Variants in RASGRF2 observed in about 807,000 individuals in gnomAD.
RASGRF2 encodes Ras protein specific guanine nucleotide releasing factor 2.
RASGRF2 carries 76 observed loss-of-function variants against 151.0 expected under a neutral mutation model. The observed-to-expected ratio is 0.50, with a 90% CI of 0.42 to 0.61. The LOEUF is 0.61. RASGRF2 is among the 20% of genes least tolerant of loss of function. The pLI is 0.00. For synonymous variants in RASGRF2, 504 were observed against 566.5 expected (o/e 0.89, Z 1.57); for missense variants, 1,148 against 1,564.6 (o/e 0.73, Z 4.49).
At chr5:81,078,946 C>T (rs1752012487) in intron 5 of RASGRF2, among the ~76,000 whole-genome samples, 1 of 152,192 alleles carries the variant, frequency 6.6e-6, no homozygotes, top group South Asian at 2.1e-4. Context: ...ACTGCTGCTG[C>T]CACAGATGCC....
intron 1 of RASGRF2, among the ~76,000 whole-genome samples, chr5:80,980,911 A>G (rs191144518): frequency 6.6e-6 from 1 of 152,114 alleles, no homozygotes; most frequent in Non-Finnish European, 1.5e-5. Flanking sequence ...GGATTCTTCC[A>G]GAGCCCACTT....
At chr5:81,002,549 A>G (rs532117663) in intron 1 of RASGRF2, among the ~76,000 whole-genome samples, 4 of 152,322 alleles carry the variant, frequency 2.6e-5, no homozygotes, top group African/African-American at 9.6e-5. Context: ...AAACAAGGGA[A>G]GGGCCTTTAA....
intron 17 of RASGRF2, among the ~76,000 whole-genome samples, chr5:81,130,208 A>C (rs1753580220): frequency 6.6e-6 from 1 of 152,172 alleles, no homozygotes; most frequent in Non-Finnish European, 1.5e-5. Flanking sequence ...AGACTCAGTC[A>C]ATGTTGCTAG....
At chr5:81,044,196 T>C (rs574031099) in intron 2 of RASGRF2, among the ~76,000 whole-genome samples, 1 of 152,226 alleles carries the variant, frequency 6.6e-6, no homozygotes, top group East Asian at 1.9e-4. Flanking sequence ...AGTGGGCAGA[T>C]CACCTGAGGC....
At chr5:81,007,863 T>A (rs531232310) in intron 1 of RASGRF2, among the ~76,000 whole-genome samples, 6 of 152,048 alleles carry the variant, frequency 3.9e-5, no homozygotes, top group Admixed American at 6.5e-5. Context: ...AGCTTCTCAT[T>A]TGGGAGGGGG....
chr5:81,214,550 C>CT (rs1755693835), intron 23 of RASGRF2, among the ~76,000 whole-genome samples: 1 of 152,198 alleles, frequency 6.6e-6, no homozygotes, highest in South Asian at 2.1e-4. Context: ...ACTTTTGAAA[C>CT]TTTTTTGAGC....
intron 19 of RASGRF2, 44 bp downstream of exon 19, chr5:81,201,486 C>A: frequency 6.4e-7 from 1 of 1,572,878 alleles, no homozygotes; most frequent in Non-Finnish European, 8.7e-7. Context: ...TTGGTTGATT[C>A]CTGCTATGTT....
intron 1 of RASGRF2, among the ~76,000 whole-genome samples, chr5:80,980,316 GA>G (rs1748256983): frequency 6.6e-6 from 1 of 152,112 alleles, no homozygotes; most frequent in East Asian, 1.9e-4. Context: ...TTTTGGAAAT[GA>G]GGGTGATTTT....
intron 2 of RASGRF2, among the ~76,000 whole-genome samples, chr5:81,056,304 TC>T (rs1375008358): frequency 6.6e-6 from 1 of 152,248 alleles, no homozygotes; most frequent in Non-Finnish European, 1.5e-5. Context: ...TTTAAATGTG[TC>T]CGAGAGATTC....
At chr5:81,108,396 G>A (rs1752901727) in intron 12 of RASGRF2, among the ~76,000 whole-genome samples, 1 of 152,230 alleles carries the variant, frequency 6.6e-6, no homozygotes, top group African/African-American at 2.4e-5. Context: ...AAGCATGCCA[G>A]AGACAGGAGA....
At chr5:81,034,471 A>G (rs1750392208) in intron 1 of RASGRF2, among the ~76,000 whole-genome samples, 1 of 152,024 alleles carries the variant, frequency 6.6e-6, no homozygotes, top group Non-Finnish European at 1.5e-5. Context: ...AGGACTATAA[A>G]TCATGCTGCT....
chr5:81,047,670 G>T (rs190759810), intron 2 of RASGRF2, among the ~76,000 whole-genome samples: 1 of 152,328 alleles, frequency 6.6e-6, no homozygotes, highest in East Asian at 1.9e-4. Context: ...TTTGGCAAGG[G>T]CCTGACCTAA....
At chr5:81,140,090 A>G (rs183660957) in intron 17 of RASGRF2, among the ~76,000 whole-genome samples, 243 of 152,182 alleles carry the variant, frequency 1.6e-3, no homozygotes, top group Non-Finnish European at 2.6e-3. Context: ...CGGCCTCCCA[A>G]AGTGCTGGGA....
chr5:81,189,799 C>T (rs1362836603), intron 18 of RASGRF2, among the ~76,000 whole-genome samples: 1 of 149,708 alleles, frequency 6.7e-6, no homozygotes, highest in African/African-American at 2.5e-5. Flanking sequence ...GCAACCTACA[C>T]CTCCCAGGTT....
At chr5:80,989,306 C>A (rs1266374665) in intron 1 of RASGRF2, among the ~76,000 whole-genome samples, 1 of 152,030 alleles carries the variant, frequency 6.6e-6, no homozygotes, top group Non-Finnish European at 1.5e-5. Context: ...GAAAGAACTC[C>A]TTTACTTTGT....
In RASGRF2 at chr5:81,217,479, TATAATTTC is replaced by T. The variant is rs768515065; in HGVS notation, c.3552+13_3552+20del. The T allele has an allele frequency of 5.6e-6, 9 of 1,608,140 alleles. No homozygotes were observed. Among genetic ancestry groups the T allele is most frequent in the Non-Finnish European group, 7.6e-6 (9 of 1,177,396 alleles). ...ATTTCTCCAAAATGAGAATGGTAGG[TATAATTTC>T]ATAATTAGCCTGTTTCAATGGCTTT... On this transcript the variant is annotated splice_region_variant and intron_variant, in intron 25 of 26. Coordinates refer to ENST00000265080, the MANE Select transcript of RASGRF2 (RefSeq NM_006909.3).
chr5:81,090,439 A>G (rs1752357377), intron 9 of RASGRF2, among the ~76,000 whole-genome samples: 1 of 152,248 alleles, frequency 6.6e-6, no homozygotes, highest in Non-Finnish European at 1.5e-5. Flanking sequence ...TGTATTAGCT[A>G]GCGAGGAATC....
rs539134803 is a variant in RASGRF2, at chr5:81,015,764, G to A, written c.289-27113G>A. ...TTATTATTAGGGCTTCCATCTCTGAGTGTTGGTCAATGAATTTGTGTTAGT... is the reference window on the plus strand; with the variant it reads ...TTATTATTAGGGCTTCCATCTCTGAATGTTGGTCAATGAATTTGTGTTAGT... On this transcript the variant is annotated intron_variant, in intron 1 of 26. Coordinates refer to ENST00000265080, the MANE Select transcript of RASGRF2 (RefSeq NM_006909.3). Among the ~76,000 whole-genome samples, 10 of 152,262 alleles carry A rather than the reference G, an allele frequency of 6.6e-5. No individual in the cohort carries two copies. The South Asian group carries it at 1.9e-3, about 28-fold the overall frequency.
At chr5:80,995,687 C>G (rs1467495664) in intron 1 of RASGRF2, among the ~76,000 whole-genome samples, 1 of 123,720 alleles carries the variant, frequency 8.1e-6, no homozygotes, top group Non-Finnish European at 1.7e-5. Context: ...CTTTCCTTCC[C>G]CCCCCCTTTT....
Sources: gnomAD v4.1 joint callset for allele counts (sites outside exome capture counted in the v4.1 genomes callset) on GRCh38, gnomAD v4.1.1 for gene constraint, MANE v1.5 for transcripts, NCBI Gene and HGNC (gene_info 2026-07-23, HGNC 2026-07-21) for gene names.